RSRC1: variants seen among roughly 807,000 people sequenced by gnomAD.
RSRC1 encodes serine/Arginine-related protein 53.
Under a neutral mutation model 49.1 loss-of-function variants are expected in RSRC1, and 39 were observed. That is an observed-to-expected ratio of 0.79 (90% CI 0.61 to 1.04). The LOEUF is 1.04. RSRC1 is among the 50% of genes least tolerant of loss of function. The pLI, the probability that RSRC1 is intolerant of heterozygous loss-of-function variation, is 0.00. For synonymous variants in RSRC1, 143 were observed against 130.8 expected (o/e 1.09, Z -0.63); for missense variants, 388 against 402.4 (o/e 0.96, Z 0.31).
intron 4 of RSRC1, among the ~76,000 whole-genome samples, chr3:158,297,418 G>GT (rs1727292921): frequency 6.6e-6 from 1 of 151,902 alleles, no homozygotes; most frequent in East Asian, 1.9e-4. Flanking sequence ...TGATGTTTAT[G>GT]TTTTCTTTGG....
intron 3 of RSRC1, among the ~76,000 whole-genome samples, chr3:158,147,366 G>A (rs533312996): frequency 6.6e-6 from 1 of 151,788 alleles, no homozygotes; most frequent in South Asian, 2.1e-4. Flanking sequence ...TCAACCTCCT[G>A]AGTAGCTGGG....
chr3:158,118,462 T>TGTGC (rs1491469875), intron 1 of RSRC1, among the ~76,000 whole-genome samples: 9,027 of 124,418 alleles, frequency 0.073, 455 homozygotes, highest in Admixed American at 0.098. Context: ...TGTGTGTGTG[T>TGTGC]GCGCGTGCGC....
chr3:158,492,231 C>G (rs1158418380), intron 7 of RSRC1, among the ~76,000 whole-genome samples: 1 of 152,110 alleles, frequency 6.6e-6, no homozygotes, highest in Non-Finnish European at 1.5e-5. Flanking sequence ...CAGTTACCTC[C>G]CACCAGGTCC....
chr3:158,511,158 A>T (rs1436181999), intron 7 of RSRC1, among the ~76,000 whole-genome samples: 1 of 151,946 alleles, frequency 6.6e-6, no homozygotes, highest in Non-Finnish European at 1.5e-5. Flanking sequence ...CACAATGTGC[A>T]GGTTAGTTAC....
chr3:158,148,386 T>C (rs1717300733), intron 3 of RSRC1, among the ~76,000 whole-genome samples: 1 of 151,944 alleles, frequency 6.6e-6, no homozygotes, highest in Non-Finnish European at 1.5e-5. Context: ...TGTGTGTGTA[T>C]GCGGCACATG....
At chr3:158,310,055 G>T (rs1312165339) in intron 5 of RSRC1, among the ~76,000 whole-genome samples, 1 of 151,480 alleles carries the variant, frequency 6.6e-6, no homozygotes, top group Non-Finnish European at 1.5e-5. Context: ...ATACTATAAT[G>T]GATGTATAAT....
chr3:158,187,855 T>C (rs560579784), intron 3 of RSRC1, among the ~76,000 whole-genome samples: 16 of 152,002 alleles, frequency 1.1e-4, no homozygotes, highest in Non-Finnish European at 1.6e-4. Context: ...TGTAGGCTTA[T>C]ATGGATTAGA....
intron 1 of RSRC1, among the ~76,000 whole-genome samples, chr3:158,113,371 C>CTTTTTT (rs34005788): frequency 1.4e-5 from 2 of 138,604 alleles, no homozygotes; most frequent in Non-Finnish European, 3.1e-5. Flanking sequence ...TGTTTTTTGA[C>CTTTTTT]TTTTTTTTTT....
At chr3:158,299,100 TTG>T (rs1578306306) in intron 5 of RSRC1, among the ~76,000 whole-genome samples, 1 of 152,082 alleles carries the variant, frequency 6.6e-6, no homozygotes, top group African/African-American at 2.4e-5. Context: ...AGCTATGTAT[TTG>T]GGGATCAGAA....
chr3:158,213,834 A>G (rs563534981), intron 4 of RSRC1, among the ~76,000 whole-genome samples: 1 of 152,024 alleles, frequency 6.6e-6, no homozygotes, highest in Admixed American at 6.6e-5. Flanking sequence ...CCAGATGTGA[A>G]ATTCATAACT....
chr3:158,509,463 C>G (rs955793780), intron 7 of RSRC1, among the ~76,000 whole-genome samples: 3 of 152,088 alleles, frequency 2.0e-5, no homozygotes, highest in African/African-American at 4.8e-5. Context: ...TCTCTCTATG[C>G]TTTCACCACA....
intron 3 of RSRC1, among the ~76,000 whole-genome samples, chr3:158,124,820 CTT>C (rs35329457): frequency 9.0e-4 from 108 of 120,526 alleles, no homozygotes; most frequent in Admixed American, 1.4e-3. Flanking sequence ...TTCTTTCTTT[CTT>C]TTTTTTTTTT....
chr3:158,513,321 A>G (rs1159535610), intron 7 of RSRC1, among the ~76,000 whole-genome samples: 3 of 152,022 alleles, frequency 2.0e-5, no homozygotes, highest in Non-Finnish European at 2.9e-5. Context: ...AGTTTTTAGC[A>G]TGAAGGGTTG....
intron 6 of RSRC1, among the ~76,000 whole-genome samples, chr3:158,432,087 G>A (rs764693306): frequency 2.0e-5 from 3 of 151,940 alleles, no homozygotes; most frequent in Admixed American, 6.6e-5. Context: ...ACGCTGCTTT[G>A]TGATCATTCC....
chr3:158,148,996 C>T (rs1717344062), intron 3 of RSRC1, among the ~76,000 whole-genome samples: 1 of 152,128 alleles, frequency 6.6e-6, no homozygotes, highest in African/African-American at 2.4e-5. Context: ...GTTGGTCAGG[C>T]TGGTCTCGAA....
chr3:158,315,373 A>AT (rs924504041), intron 5 of RSRC1, among the ~76,000 whole-genome samples: 55 of 152,266 alleles, frequency 3.6e-4, no homozygotes, highest in African/African-American at 1.3e-3. Flanking sequence ...CATACTCCTA[A>AT]TTTTTTGGAT....
At chr3:158,171,953 TCAACAACAACAA>T (rs374799867) in intron 3 of RSRC1, among the ~76,000 whole-genome samples, 2 of 151,032 alleles carry the variant, frequency 1.3e-5, no homozygotes, top group Admixed American at 1.3e-4. Flanking sequence ...CTGTGTCGCT[TCAACAACAACAA>T]CAACAACAAC....
chr3:158,161,910 T>G (rs1333329919), intron 3 of RSRC1, among the ~76,000 whole-genome samples: 1 of 152,094 alleles, frequency 6.6e-6, no homozygotes, highest in Non-Finnish European at 1.5e-5. Flanking sequence ...AAAAGTGGTT[T>G]AAGAAAACAG....
At position 158,132,131 on chromosome 3, in the gene RSRC1, A is replaced by G. The variant is rs888318700; in HGVS notation, c.320+8140A>G. 6.0e-5 allele frequency: 27 copies of G among 450,628 alleles called. No individual in the cohort carries two copies. In the Admixed American group the frequency reaches 6.4e-4, roughly 11 times the overall value. The allele number at this position is 450,628 out of a possible 1,614,324, so 27.9% of individuals were successfully genotyped here. A position where few individuals can be genotyped will look rare whatever the true frequency, so the allele number is the denominator to read the frequency against. On this transcript the variant is annotated intron_variant, in intron 3 of 9. Transcript: ENST00000611884. ...CCTGGGTAGCTGGGACTACAGGTAC[A>G]CACCGCCACACCCAACTATGATTTT...
Sources: allele counts gnomAD v4.1 joint callset (sites outside exome capture counted in the v4.1 genomes callset), GRCh38; gene constraint gnomAD v4.1.1; transcripts MANE v1.5; gene names NCBI Gene and HGNC (gene_info 2026-07-23, HGNC 2026-07-21).